Variants in RLBP1 observed in about 807,000 individuals in gnomAD.
The protein encoded by RLBP1 is retinaldehyde-binding protein 1.
In RLBP1, 26 loss-of-function variants were observed where a neutral mutation model predicts 36.2. The ratio of observed to expected loss-of-function variants is 0.72; its 90% confidence interval spans 0.53 to 1.00. The LOEUF (loss-of-function observed/expected upper bound fraction) is 1.00. RLBP1 is among the 50% of genes least tolerant of loss of function. RLBP1 has a pLI of 0.00. For missense variants in RLBP1, 410 were observed against 402.4 expected (o/e 1.02, Z -0.16); for synonymous variants, 155 against 156.2 (o/e 0.99, Z 0.06).
rs760795483 is a variant in RLBP1, at chr15:89,217,129, G to T, written c.337C>A (p.Leu113Met). 1.2e-6 allele frequency: 2 copies of T among 1,614,028 alleles called. No individual in the cohort carries two copies. Among genetic ancestry groups the T allele is most frequent in the South Asian group, 1.1e-5 (1 of 91,078 alleles). ...RKFNVGRAYE[L>M]LRGYVNFRLQ... The stretch of plus-strand genomic sequence containing the variant: ...CAAGCACTGGCCTCACCTCTGAGCA[G>T]CTCATAGGCACGGCCCACGTTGAAC... Residue 113 changes from leucine to methionine, a missense_variant, in exon 5 of 9, where the codon CTG (leucine) becomes ATG (methionine). By Grantham distance (15) the Leu-to-Met change is conservative. Transcript: ENST00000268125.
At chr15:89,212,129 C>T (rs957720905) in intron 6 of RLBP1, among the ~76,000 whole-genome samples, 1 of 152,250 alleles carries the variant, frequency 6.6e-6, no homozygotes, top group South Asian at 2.1e-4. Flanking sequence ...ATAGTGGGAA[C>T]ATTGGAGACA....
intron 6 of RLBP1, among the ~76,000 whole-genome samples, chr15:89,212,364 C>A (rs2051545545): frequency 6.6e-6 from 1 of 151,958 alleles, no homozygotes; most frequent in African/African-American, 2.4e-5. Context: ...GGTGGATCAC[C>A]TGAGGTCAAG....
Position 89,210,676 on chromosome 15 carries a change from G to T in RLBP1, c.795+23C>A. On this transcript the variant is annotated intron_variant, in intron 8 of 8. Transcript: ENST00000268125. The surrounding 1 kb of genome is among the most constrained non-coding windows in gnomAD (Gnocchi z 4.7). ...CCACCCTCAGCCCTCTTGTCTCATTGTCTGGGCGGCCCACGTACTCACCCT... is the reference window on the plus strand; with the variant it reads ...CCACCCTCAGCCCTCTTGTCTCATTTTCTGGGCGGCCCACGTACTCACCCT... 6.6e-7 allele frequency: 1 copy of T among 1,520,828 alleles called. No homozygotes were observed. Among genetic ancestry groups the T allele is most frequent in the Non-Finnish European group, 9.0e-7 (1 of 1,110,538 alleles). The allele number at this position is 1,520,828 out of a possible 1,614,324, so 94.2% of individuals were successfully genotyped here. A position where few individuals can be genotyped will look rare whatever the true frequency, so the allele number is the denominator to read the frequency against.
chr15:89,217,313 C>T lies in RLBP1; in HGVS notation c.153G>A (p.Glu51=). 3 of 1,605,774 alleles carry T rather than the reference C, an allele frequency of 1.9e-6. No homozygotes were observed. The highest frequency in any genetic ancestry group is 2.5e-6 in the Non-Finnish European group (3 of 1,179,984). ...CCCGGGTCTCCTCTCTCTCGTTCAG[C>T]TCATCCTTGGCCTAGAACAGGGTGG... is the stretch of plus-strand genomic sequence containing the variant. ...PRHTLQKAKD[E]LNEREETREE... Residue 51 remains glutamate (E), a synonymous_variant, in exon 5 of 9, where the codon GAG becomes GAA. Coordinates refer to ENST00000268125, the MANE Select transcript of RLBP1 (RefSeq NM_000326.5).
chr15:89,215,918 T>C (rs539435919), intron 5 of RLBP1, among the ~76,000 whole-genome samples: 4 of 152,312 alleles, frequency 2.6e-5, no homozygotes, highest in East Asian at 1.9e-4. Context: ...CCCACAGATA[T>C]CTCATTTCCT....
At position 89,218,693 on chromosome 15, in the gene RLBP1, C is replaced by A; in HGVS notation, c.13G>T (p.Val5Leu). ...TCAGGTACCATGCGGAACGTGCCCA[C>A]CTGGGCAGAGAAAGGAAAAAGAGGA... Reference protein sequence around the residue: MSEGVGTFRMVPEEE... With the variant: MSEGLGTFRMVPEEE... The change falls in exon 4 of 9, where the codon GTG (valine) becomes TTG (leucine). Residue 5 changes from valine (V) to leucine (L), a missense_variant and splice_region_variant. Physicochemically the swap from Val to Leu is conservative, Grantham distance 32. Transcript: ENST00000268125. The surrounding 1 kb of genome is among the most constrained non-coding windows in gnomAD (Gnocchi z 4.6). The A allele has an allele frequency of 1.9e-6, 3 of 1,614,104 alleles. No individual in the cohort carries two copies. The highest frequency in any genetic ancestry group is 2.5e-6 in the Non-Finnish European group (3 of 1,180,044).
chr15:89,210,895 C>T lies in RLBP1; in HGVS notation c.685-86G>A. On this transcript the variant is annotated intron_variant, in intron 7 of 8. Transcript: ENST00000268125. This position sits in a 1 kb window ranked among gnomAD's most constrained non-coding sequence, Gnocchi z 4.7. ...CATTCCCTGCTGCCTCTCCTCATGGCATAGAACAGACTTGTCCAGCATCAC... is the reference window on the plus strand; with the variant it reads ...CATTCCCTGCTGCCTCTCCTCATGGTATAGAACAGACTTGTCCAGCATCAC... 1 of 907,322 alleles carries T rather than the reference C, an allele frequency of 1.1e-6. No individual in the cohort carries two copies. Among genetic ancestry groups the T allele is most frequent in the South Asian group, 1.4e-5 (1 of 70,226 alleles). The allele number at this position is 907,322 out of a possible 1,614,324, so 56.2% of individuals were successfully genotyped here. A position where few individuals can be genotyped will look rare whatever the true frequency, so the allele number is the denominator to read the frequency against.
chr15:89,216,524 G>T, intron 5 of RLBP1, among the ~76,000 whole-genome samples: 1 of 152,144 alleles, frequency 6.6e-6, no homozygotes, highest in Non-Finnish European at 1.5e-5. Flanking sequence ...GTTTCTCCAC[G>T]TTGGTCAGGC....
rs1189510332 is a variant in RLBP1 at position 89,210,143 on chromosome 15, G to T, written c.*142C>A. 2.2e-6 allele frequency: 2 copies of T among 905,428 alleles called. No individual in the cohort carries two copies. Among genetic ancestry groups the T allele is most frequent in the African/African-American group, 1.6e-5 (1 of 61,682 alleles). 56.1% of individuals were successfully genotyped at this position (905,428 alleles called of 1,614,324 possible). On this transcript the variant is annotated 3_prime_UTR_variant, in exon 9 of 9. Transcript: ENST00000268125. This position sits in a 1 kb window ranked among gnomAD's most constrained non-coding sequence, Gnocchi z 4.7. ...ACCCATCCCCCAACTTGAGAACAGG[G>T]TGACACCTGAGCTCACTCGGGCTTA...
At chr15:89,217,518 C>A (rs1370618312) in intron 4 of RLBP1, among the ~76,000 whole-genome samples, 194 bp from the exon 5 acceptor site, 2 of 152,172 alleles carry the variant, frequency 1.3e-5, no homozygotes, top group Non-Finnish European at 2.9e-5. Context: ...GGAGAGAATT[C>A]GCATATTTGC....
chr15:89,211,143 G>C lies in RLBP1; in HGVS notation c.685-334C>G, dbSNP rs1323306641. 1.3e-5 allele frequency among the ~76,000 whole-genome samples: 2 copies of C among 152,110 alleles called. No homozygotes were observed. The highest frequency in any genetic ancestry group is 2.9e-5 in the Non-Finnish European group (2 of 68,004). ...TTTCAAACCCACTTGCCTGCCGAAG[G>C]GACTGCAAACTATTACAAACGACAG... is the stretch of plus-strand genomic sequence containing the variant. On this transcript the variant is annotated intron_variant, in intron 7 of 8. Transcript: ENST00000268125. The surrounding 1 kb of genome is among the most constrained non-coding windows in gnomAD (Gnocchi z 5.8).
chr15:89,215,184 T>C lies in RLBP1; in HGVS notation c.401A>G (p.Glu134Gly). Residue 134 changes from glutamate to glycine, a missense_variant, in exon 6 of 9, where the codon GAG (glutamate) becomes GGG (glycine). Coordinates refer to ENST00000268125, the MANE Select transcript of RLBP1 (RefSeq NM_000326.5). ...AGCTTCAATGGTGCAGCGGACAGCCTCTGGGGACAGGCTGTCAAAGAGCTC... is the reference window on the plus strand; with the variant it reads ...AGCTTCAATGGTGCAGCGGACAGCCCCTGGGGACAGGCTGTCAAAGAGCTC... The part of the protein sequence containing the change: ...YPELFDSLSP[E>G]AVRCTIEAGY... 3 of 1,614,156 alleles carry C rather than the reference T, an allele frequency of 1.9e-6. No homozygotes were observed. Among genetic ancestry groups the C allele is most frequent in the Non-Finnish European group, 2.5e-6 (3 of 1,180,028 alleles).
In RLBP1 at chr15:89,211,678, G is replaced by A; in HGVS notation, c.684+65C>T. 2.6e-6 allele frequency: 4 copies of A among 1,563,876 alleles called. No homozygotes were observed. Among genetic ancestry groups the A allele is most frequent in the Non-Finnish European group, 3.5e-6 (4 of 1,141,074 alleles). On this transcript the variant is annotated intron_variant, in intron 7 of 8. Coordinates refer to ENST00000268125, the MANE Select transcript of RLBP1 (RefSeq NM_000326.5). This position sits in a 1 kb window ranked among gnomAD's most constrained non-coding sequence, Gnocchi z 5.8. ...CAGTTCCCTGCAAGCACCATGAAAG[G>A]AGGCCCAGCCTCTCAGCCTCCCCAG...
rs1157119820 is a variant in RLBP1 at position 89,218,715 on chromosome 15, A to G, written c.13-22T>C. On this transcript the variant is annotated intron_variant, in intron 3 of 8. Coordinates refer to ENST00000268125, the MANE Select transcript of RLBP1 (RefSeq NM_000326.5). The surrounding 1 kb of genome is among the most constrained non-coding windows in gnomAD (Gnocchi z 4.6). The stretch of plus-strand genomic sequence containing the variant: ...CCACCTGGGCAGAGAAAGGAAAAAG[A>G]GGAACAGCCAACCGCATCAGCCTGA... 1 of 1,613,276 alleles carries G rather than the reference A, an allele frequency of 6.2e-7. No homozygotes were observed. The highest frequency in any genetic ancestry group is 2.2e-5 in the East Asian group (1 of 44,896).
intron 4 of RLBP1, 136 bp from the exon 5 acceptor site, chr15:89,217,460 G>T: frequency 1.2e-6 from 1 of 814,522 alleles, no homozygotes; most frequent in Non-Finnish European, 2.1e-6. Flanking sequence ...TTGCTTTTCT[G>T]CCCCAGGGGC....
rs765401087 is a variant in RLBP1, at chr15:89,217,215, A to T, written c.251T>A (p.Val84Glu). 2.5e-6 allele frequency: 4 copies of T among 1,613,258 alleles called. No individual in the cohort carries two copies. Residue 84 changes from valine (V) to glutamate (E), a missense_variant, in exon 5 of 9, where the codon GTG becomes GAG. By Grantham distance (121) the Val-to-Glu change is moderately radical (BLOSUM62 -2). Coordinates refer to ENST00000268125, the MANE Select transcript of RLBP1 (RefSeq NM_000326.5). The part of the protein sequence containing the change: ...AASGEELAVA[V>E]AERVQEKDSG... ...GTCCTTCTCTTGCACCCTCTCCGCC[A>T]CGGCCACCGCCAGCTCCTCCCCCGA...
intron 5 of RLBP1, among the ~76,000 whole-genome samples, chr15:89,215,823 A>C (rs2051575517): frequency 6.6e-6 from 1 of 152,144 alleles, no homozygotes; most frequent in East Asian, 1.9e-4. Flanking sequence ...TGCCACATCA[A>C]CTTGCTCACT....
chr15:89,211,979 AT>A lies in RLBP1; in HGVS notation c.526-79del. ...GCTTGAGGTCCTGAGGGGAGAGCTA[AT>A]TGGTACATTCTTCACTGGGGTAATT... On this transcript the variant is annotated intron_variant, in intron 6 of 8. Coordinates refer to ENST00000268125, the MANE Select transcript of RLBP1 (RefSeq NM_000326.5). This position sits in a 1 kb window ranked among gnomAD's most constrained non-coding sequence, Gnocchi z 5.8. 1 of 1,457,210 alleles carries A rather than the reference AT, an allele frequency of 6.9e-7. No individual in the cohort carries two copies. The highest frequency in any genetic ancestry group is 9.5e-7 in the Non-Finnish European group (1 of 1,048,584). The allele number at this position is 1,457,210 out of a possible 1,614,324, so 90.3% of individuals were successfully genotyped here.
rs1228471256 is a variant in RLBP1, at chr15:89,209,943, G to A, written c.*342C>T. On this transcript the variant is annotated 3_prime_UTR_variant, in exon 9 of 9. Transcript: ENST00000268125. ...ATATTTTAACCCGGGCTCCTTGCCTGTTTTCACAGACTCTAAGTCGTAAAA... is the reference window on the plus strand; with the variant it reads ...ATATTTTAACCCGGGCTCCTTGCCTATTTTCACAGACTCTAAGTCGTAAAA... The A allele has an allele frequency of 2.9e-6, 1 of 350,388 alleles. No individual in the cohort carries two copies. The highest frequency in any genetic ancestry group is 6.5e-5 in the East Asian group (1 of 15,360). The allele number at this position is 350,388 out of a possible 1,614,324, so 21.7% of individuals were successfully genotyped here. A position where few individuals can be genotyped will look rare whatever the true frequency, so the allele number is the denominator to read the frequency against.
Sources: allele counts gnomAD v4.1 joint callset (sites outside exome capture counted in the v4.1 genomes callset), GRCh38; gene constraint gnomAD v4.1.1; non-coding constraint Gnocchi (gnomAD v3.1); transcripts MANE v1.5; gene names NCBI Gene and HGNC (gene_info 2026-07-23, HGNC 2026-07-21).